The following ST7L variants were observed in gnomAD, a reference collection of about 807,000 sequenced individuals.
ST7L encodes suppression of tumorigenicity 7 like.
ST7L carries 57 observed loss-of-function variants against 72.5 expected under a neutral mutation model. The ratio of observed to expected loss-of-function variants is 0.79; its 90% confidence interval spans 0.64 to 0.98. The LOEUF (loss-of-function observed/expected upper bound fraction) is 0.98, where lower values mean the gene tolerates loss of function less well. ST7L is among the 50% of genes least tolerant of loss of function. ST7L has a pLI of 0.00. For missense variants in ST7L, 576 were observed against 672.2 expected, an observed-to-expected ratio of 0.86 and a Z score of 1.58; for synonymous variants, 221 against 240.9, an observed-to-expected ratio of 0.92 and a Z score of 0.77.
intron 13 of ST7L, among the ~76,000 whole-genome samples, chr1:112,546,739 T>A (rs1657147999): frequency 6.6e-6 from 1 of 152,284 alleles, no homozygotes; most frequent in African/African-American, 2.4e-5. Context: ...AACAAATTAC[T>A]ATTTATATTT....
chr1:112,536,003 G>C (rs1002357483), intron 14 of ST7L, among the ~76,000 whole-genome samples: 1 of 152,012 alleles, frequency 6.6e-6, no homozygotes, highest in African/African-American at 2.4e-5. Context: ...ACCAACAATG[G>C]AACAAATATG....
intron 6 of ST7L, among the ~76,000 whole-genome samples, chr1:112,587,402 G>C (rs1281872822): frequency 1.3e-5 from 2 of 152,162 alleles, no homozygotes; most frequent in African/African-American, 4.8e-5. Context: ...AGGAGTTCAA[G>C]ACCAGCCTGG....
At chr1:112,599,614 T>C (rs1667092482) in intron 4 of ST7L, among the ~76,000 whole-genome samples, 1 of 152,204 alleles carries the variant, frequency 6.6e-6, no homozygotes, top group African/African-American at 2.4e-5. Flanking sequence ...GAAGTCAATA[T>C]ATAGTCCCTC....
At chr1:112,587,191 T>C (rs1374470724) in intron 6 of ST7L, among the ~76,000 whole-genome samples, 1 of 152,212 alleles carries the variant, frequency 6.6e-6, no homozygotes, top group Admixed American at 6.5e-5. Flanking sequence ...TTAATTGGGA[T>C]ATATGGTATG....
rs1403462682 is a variant in ST7L at position 112,584,008 on chromosome 1, A to C, written c.820T>G (p.Cys274Gly). The C allele has an allele frequency of 6.2e-7, 1 of 1,614,160 alleles. No homozygotes were observed. Among genetic ancestry groups the C allele is most frequent in the Non-Finnish European group, 8.5e-7 (1 of 1,180,016 alleles). Residue 274 changes from cysteine (C) to glycine (G), a missense_variant, in exon 7 of 15, where the codon TGC (cysteine) becomes GGC (glycine). Around this residue, in one of 3 missense-constraint regions of ST7L, gnomAD observed 511 missense variants for 600.7 expected, o/e 0.85. Transcript: ENST00000358039. ...TCATGCTGAGGACTTTGGTGCTGGC[A>C]CTGCTGTGACTGCCTATAAATTGTT... is the stretch of plus-strand genomic sequence containing the variant. Reference protein sequence around the residue: ...GETIYRQSQQCQHQSPQHEAQ... With the variant: ...GETIYRQSQQGQHQSPQHEAQ...
chr1:112,597,315 T>C (rs1236744927), intron 5 of ST7L, among the ~76,000 whole-genome samples: 2 of 152,096 alleles, frequency 1.3e-5, no homozygotes, highest in Admixed American at 1.3e-4. Flanking sequence ...AGAAGAAAAA[T>C]TGTGATAAAG....
chr1:112,591,610 A>G lies in ST7L; in HGVS notation c.623-7T>C. ...CTCCAAGCCTTCTGCATAACTGTAG[A>G]AAAAAATTCCATAAAATAGATGAGA... On this transcript the variant is annotated splice_polypyrimidine_tract_variant and splice_region_variant and intron_variant, in intron 5 of 14. Coordinates refer to ENST00000358039, the MANE Select transcript of ST7L (RefSeq NM_017744.5). The G allele has an allele frequency of 6.2e-7, 1 of 1,603,246 alleles. No individual in the cohort carries two copies. Among genetic ancestry groups the G allele is most frequent in the Non-Finnish European group, 8.5e-7 (1 of 1,176,662 alleles).
At chr1:112,559,399 A>G (rs895287003) in intron 11 of ST7L, among the ~76,000 whole-genome samples, 90 of 151,988 alleles carry the variant, frequency 5.9e-4, no homozygotes, top group African/African-American at 2.0e-3. Flanking sequence ...ATGCCAGGCT[A>G]ATTTTTGTAT....
At chr1:112,532,903 G>GGTATTT (rs1451431624) in intron 14 of ST7L, among the ~76,000 whole-genome samples, 3 of 152,034 alleles carry the variant, frequency 2.0e-5, no homozygotes, top group Non-Finnish European at 4.4e-5. Flanking sequence ...ACAATTACTA[G>GGTATTT]AAGTACCTCT....
At chr1:112,555,613 C>T (rs897105141) in intron 12 of ST7L, among the ~76,000 whole-genome samples, 14 of 152,138 alleles carry the variant, frequency 9.2e-5, no homozygotes, top group African/African-American at 2.7e-4. Context: ...TTTTCATTTT[C>T]TTTCCTTACA....
chr1:112,597,708 T>G (rs1009697866), intron 5 of ST7L, among the ~76,000 whole-genome samples: 4 of 152,312 alleles, frequency 2.6e-5, no homozygotes, highest in Non-Finnish European at 4.4e-5. Flanking sequence ...TACACTGTTT[T>G]CTGGAAAAGT....
intron 11 of ST7L, among the ~76,000 whole-genome samples, chr1:112,564,817 CAA>C (rs780771291): frequency 0.058 from 2,479 of 42,976 alleles, 72 homozygotes; most frequent in African/African-American, 0.14. Context: ...AACTGCATCT[CAA>C]AAAAAAAAAA....
In ST7L at chr1:112,525,588, T is replaced by C. The variant is rs116273662; in HGVS notation, c.*425A>G. The C allele has an allele frequency of 4.3e-3, 657 of 154,564 alleles. 8 individuals are homozygous for C. Among genetic ancestry groups the C allele is most frequent in the African/African-American group, 0.015 (625 of 41,610 alleles). The allele number at this position is 154,564 out of a possible 1,614,324, so 9.6% of individuals were successfully genotyped here. A position where few individuals can be genotyped will look rare whatever the true frequency, so the allele number is the denominator to read the frequency against. ...ATGTGCAAATGCAAGGCAAGCATTC[T>C]CCCACTGGCCCCCTAACGGTTAACT... On this transcript the variant is annotated 3_prime_UTR_variant, in exon 15 of 15. Transcript: ENST00000358039.
chr1:112,578,452 C>G (rs1341616734), intron 9 of ST7L, 35 bp from the exon 10 acceptor site: 1 of 1,587,910 alleles, frequency 6.3e-7, no homozygotes, highest in Non-Finnish European at 8.6e-7. Flanking sequence ...GTAGGAATTA[C>G]AAAAAAGGTA....
intron 14 of ST7L, chr1:112,529,017 TG>T (rs2101164247): frequency 6.6e-6 from 1 of 152,358 alleles, no homozygotes; most frequent in South Asian, 2.1e-4. Context: ...ATGGGGCTTT[TG>T]TCATACTTCT....
At chr1:112,571,351 C>T (rs1662104002) in intron 11 of ST7L, 1 of 455,972 alleles carries the variant, frequency 2.2e-6, no homozygotes, top group South Asian at 1.6e-5. Context: ...TAAATTTCTA[C>T]CTATAAATAA....
chr1:112,610,164 A>C (rs1025289755), intron 3 of ST7L, among the ~76,000 whole-genome samples: 4 of 152,162 alleles, frequency 2.6e-5, no homozygotes, highest in Non-Finnish European at 4.4e-5. Context: ...ATTTCTGAGA[A>C]TAGTCCTTGG....
chr1:112,616,761 ATATCTT>A (rs1006495314), intron 2 of ST7L, 46 bp downstream of exon 2: 33 of 1,357,822 alleles, frequency 2.4e-5, no homozygotes, highest in Non-Finnish European at 3.3e-5. Context: ...AAAAAAAAAA[ATATCTT>A]TAGATAAACA....
chr1:112,604,984 G>A (rs189754103), intron 3 of ST7L, among the ~76,000 whole-genome samples: 342 of 150,884 alleles, frequency 2.3e-3, no homozygotes, highest in African/African-American at 7.7e-3. Flanking sequence ...CTACTCGGGA[G>A]GCTGAGGCAG....
Sources: allele counts gnomAD v4.1 joint callset (sites outside exome capture counted in the v4.1 genomes callset), GRCh38; gene constraint gnomAD v4.1.1; regional missense constraint gnomAD v4.1.1; transcripts MANE v1.5; gene names NCBI Gene and HGNC (gene_info 2026-07-23, HGNC 2026-07-21).